The following ARHGAP39 variants were observed in gnomAD, a reference collection of about 807,000 sequenced individuals.
ARHGAP39 encodes Rho GTPase activating protein 39.
In ARHGAP39, 44 loss-of-function variants were observed where a neutral mutation model predicts 106.9. The observed-to-expected ratio is 0.41, with a 90% CI of 0.32 to 0.53. The LOEUF is 0.53. ARHGAP39 is among the 20% of genes least tolerant of loss of function. The pLI is 0.21. For missense variants in ARHGAP39, 1,496 were observed against 1,577.3 expected (o/e 0.95, Z 0.87); for synonymous variants, 768 against 693.2 (o/e 1.11, Z -1.69).
At chr8:144,543,112 A>G (rs1817266269) in intron 6 of ARHGAP39, among the ~76,000 whole-genome samples, 1 of 151,904 alleles carries the variant, frequency 6.6e-6, no homozygotes, top group African/African-American at 2.4e-5. Flanking sequence ...TGGGACCACA[A>G]GCATACACCA....
intron 7 of ARHGAP39, among the ~76,000 whole-genome samples, chr8:144,535,205 T>C (rs1334442550): frequency 6.6e-6 from 1 of 152,208 alleles, no homozygotes; most frequent in Non-Finnish European, 1.5e-5. Context: ...GCTGAGGGCA[T>C]GGGGTCCTTG....
At position 144,685,785 on chromosome 8, in the gene ARHGAP39, C is replaced by CGCT. The variant is rs1256074164; in HGVS notation, c.-184_-182dup. Among the ~76,000 whole-genome samples, 1 of 147,766 alleles carries CGCT rather than the reference C, an allele frequency of 6.8e-6. No homozygotes were observed. Among genetic ancestry groups the CGCT allele is most frequent in the Non-Finnish European group, 1.5e-5 (1 of 66,322 alleles). Reference sequence around the variant, plus strand: ...CTCCCCGGCCTCTCTGCTGCTCCGCCGCTGCTGCCGCGGCAGCCCGTGCTG... The same window carrying CGCT: ...CTCCCCGGCCTCTCTGCTGCTCCGCCGCTGCTGCTGCCGCGGCAGCCCGTGCTG... On this transcript the variant is annotated 5_prime_UTR_variant, in exon 1 of 12. Transcript: ENST00000377307.
chr8:144,613,321 T>G (rs760634325), intron 1 of ARHGAP39, among the ~76,000 whole-genome samples: 16 of 152,272 alleles, frequency 1.1e-4, no homozygotes, highest in Non-Finnish European at 2.2e-4. Flanking sequence ...ATTTTCTGTA[T>G]AGATCCAGAC....
At position 144,641,636 on chromosome 8, in the gene ARHGAP39, C is replaced by T. The variant is rs1414606776; in HGVS notation, c.-81-35941G>A. ...CTTAGACTCAGCCTCTGTCGGCCTCCGCCAAAAGCAGAGCCTGAGACGAGG... is the reference window on the plus strand; with the variant it reads ...CTTAGACTCAGCCTCTGTCGGCCTCTGCCAAAAGCAGAGCCTGAGACGAGG... On this transcript the variant is annotated intron_variant, in intron 1 of 11. Coordinates refer to ENST00000377307, the MANE Select transcript of ARHGAP39 (RefSeq NM_025251.3). This position sits in a 1 kb window ranked among gnomAD's most constrained non-coding sequence, Gnocchi z 5.2. Among the ~76,000 whole-genome samples, 11 of 152,386 alleles carry T rather than the reference C, an allele frequency of 7.2e-5. No homozygotes were observed. Among genetic ancestry groups the T allele is most frequent in the South Asian group, 2.1e-4 (1 of 4,826 alleles).
chr8:144,596,427 A>G (rs140480876), intron 2 of ARHGAP39, among the ~76,000 whole-genome samples: 4,075 of 152,306 alleles, frequency 0.027, 96 homozygotes, highest in Admixed American at 0.066. Context: ...TCAGTGCTCC[A>G]CCACTGCTCC....
chr8:144,638,560 T>C (rs1165194015), intron 1 of ARHGAP39, among the ~76,000 whole-genome samples: 1 of 152,244 alleles, frequency 6.6e-6, no homozygotes, highest in Non-Finnish European at 1.5e-5. Flanking sequence ...TGTTAACTCT[T>C]GGCTGCATTC....
chr8:144,598,472 A>G (rs1428839872), intron 2 of ARHGAP39, among the ~76,000 whole-genome samples: 1 of 152,212 alleles, frequency 6.6e-6, no homozygotes, highest in Admixed American at 6.5e-5. Context: ...GGCCAGCAGG[A>G]CCAGACAGAC....
rs755320055 is a variant in ARHGAP39, at chr8:144,679,466, G to A, written c.-82+6220C>T. On this transcript the variant is annotated intron_variant, in intron 1 of 11. Coordinates refer to ENST00000377307, the MANE Select transcript of ARHGAP39 (RefSeq NM_025251.3). The surrounding 1 kb of genome is among the most constrained non-coding windows in gnomAD (Gnocchi z 4.7). ...TCTTGGAAAAGAGTCACAAGCAAAC[G>A]AAACGCGGGCAGGAATCAGCCTCTG... is the stretch of plus-strand genomic sequence containing the variant. Among the ~76,000 whole-genome samples, 6 of 152,230 alleles carry A rather than the reference G, an allele frequency of 3.9e-5. 1 individual carries two copies. Among genetic ancestry groups the A allele is most frequent in the Middle Eastern group, 6.3e-3 (2 of 316 alleles).
At chr8:144,539,439 T>C (rs972140343) in intron 6 of ARHGAP39, among the ~76,000 whole-genome samples, 1 of 152,224 alleles carries the variant, frequency 6.6e-6, no homozygotes, top group Admixed American at 6.5e-5. Context: ...GTTTTTCTTT[T>C]ATAGATAGTA....
intron 2 of ARHGAP39, among the ~76,000 whole-genome samples, chr8:144,594,088 C>CAAAA (rs149748913): frequency 1.1e-4 from 6 of 56,900 alleles, no homozygotes; most frequent in Admixed American, 1.8e-4. Context: ...GACTCCGTCT[C>CAAAA]AAAAAAAAAA....
At chr8:144,599,695 C>T (rs540072044) in intron 2 of ARHGAP39, among the ~76,000 whole-genome samples, 15 of 152,128 alleles carry the variant, frequency 9.9e-5, no homozygotes, top group Non-Finnish European at 2.2e-4. Context: ...AATGAACCAA[C>T]GGATGCCAGA....
intron 3 of ARHGAP39, among the ~76,000 whole-genome samples, chr8:144,556,023 C>T (rs530742373): frequency 2.2e-4 from 33 of 152,352 alleles, no homozygotes; most frequent in African/African-American, 7.0e-4. Context: ...CGGTGGCTCA[C>T]GCCTGGAATC....
rs180998953 is a variant in ARHGAP39 at position 144,683,637 on chromosome 8, G to A, written c.-82+2049C>T. Among the ~76,000 whole-genome samples, 195 of 152,134 alleles carry A rather than the reference G, an allele frequency of 1.3e-3. 1 individual carries two copies. Among genetic ancestry groups the A allele is most frequent in the Non-Finnish European group, 1.0e-3 (68 of 68,004 alleles). Reference sequence around the variant, plus strand: ...GCTGGCATTACAGGTGTGAGCCACCGCACCTGGCCATTTTTCTCTAAGAAC... The same window carrying A: ...GCTGGCATTACAGGTGTGAGCCACCACACCTGGCCATTTTTCTCTAAGAAC... On this transcript the variant is annotated intron_variant, in intron 1 of 11. Coordinates refer to ENST00000377307, the MANE Select transcript of ARHGAP39 (RefSeq NM_025251.3).
intron 2 of ARHGAP39, among the ~76,000 whole-genome samples, chr8:144,594,088 CAAAAA>C (rs149748913): frequency 1.8e-5 from 1 of 56,884 alleles, no homozygotes. Context: ...GACTCCGTCT[CAAAAA>C]AAAAAAAAAA....
intron 7 of ARHGAP39, among the ~76,000 whole-genome samples, chr8:144,536,964 G>C (rs904111484): frequency 3.3e-5 from 5 of 152,244 alleles, no homozygotes; most frequent in Admixed American, 3.3e-4. Flanking sequence ...CGGAGCTCTA[G>C]ACAGATGAGT....
chr8:144,557,543 A>C (rs1268600222), intron 3 of ARHGAP39, among the ~76,000 whole-genome samples: 4 of 133,488 alleles, frequency 3.0e-5, no homozygotes, highest in Non-Finnish European at 4.6e-5. Flanking sequence ...TCGTATTCAG[A>C]GGCAAAGGCT....
intron 1 of ARHGAP39, among the ~76,000 whole-genome samples, chr8:144,662,695 C>T (rs1024576453): frequency 2.0e-5 from 3 of 151,032 alleles, no homozygotes; most frequent in African/African-American, 7.3e-5. Flanking sequence ...CTCCCCACTC[C>T]CTATTATCCA....
At chr8:144,533,430 G>C in intron 8 of ARHGAP39, 105 bp from the exon 9 acceptor site, 1 of 1,158,512 alleles carries the variant, frequency 8.6e-7, no homozygotes, top group Non-Finnish European at 1.2e-6. Flanking sequence ...GCGCTCTTCA[G>C]AATTCCTGCC....
chr8:144,602,633 CGTGT>C (rs72329063), intron 2 of ARHGAP39, among the ~76,000 whole-genome samples: 2 of 92,602 alleles, frequency 2.2e-5, no homozygotes, highest in East Asian at 7.8e-4. Context: ...TGCGTGGAGG[CGTGT>C]GTGTGCTCGT....
Sources: gnomAD v4.1 joint callset for allele counts (sites outside exome capture counted in the v4.1 genomes callset) on GRCh38, gnomAD v4.1.1 for gene constraint, Gnocchi (gnomAD v3.1) non-coding constraint, MANE v1.5 for transcripts, NCBI Gene and HGNC (gene_info 2026-07-23, HGNC 2026-07-21) for gene names.